Variants in CACNA1G observed in about 807,000 individuals in gnomAD.
The protein encoded by CACNA1G is calcium voltage-gated channel subunit alpha1 G.
CACNA1G carries 67 observed loss-of-function variants against 219.4 expected under a neutral mutation model. That is an observed-to-expected ratio of 0.31 (90% CI 0.25 to 0.37). The LOEUF (loss-of-function observed/expected upper bound fraction) is 0.37. Ranked by LOEUF, CACNA1G falls within the 10% of genes least tolerant of loss-of-function variation. CACNA1G has a pLI of 1.00. For synonymous variants in CACNA1G, 1,296 were observed against 1,345.3 expected, an observed-to-expected ratio of 0.96 and a Z score of 0.80; for missense variants, 2,380 against 3,231.4, an observed-to-expected ratio of 0.74 and a Z score of 6.39.
intron 26 of CACNA1G, among the ~76,000 whole-genome samples, chr17:50,611,270 A>AAG (rs1204293670): frequency 1.4e-5 from 2 of 143,546 alleles, no homozygotes; most frequent in East Asian, 2.0e-4. Flanking sequence ...AAAAAAAAAA[A>AAG]AGAGAGAGAG....
At position 50,602,884 on chromosome 17, in the gene CACNA1G, T is replaced by G; in HGVS notation, c.3980T>G (p.Val1327Gly). ...FTAVFLAEMT[V>G]KVVALGWCFG... The stretch of plus-strand genomic sequence containing the variant: ...GCAGTCTTTCTGGCTGAAATGACAG[T>G]GAAGGTGATGGGGGCTGGTGTTGGC... Residue 1327 changes from valine to glycine, a missense_variant, in exon 20 of 38, where the codon GTG becomes GGG. Physicochemically the swap from Val to Gly is moderately radical, Grantham distance 109. Transcript: ENST00000359106. 1 of 1,610,722 alleles carries G rather than the reference T, an allele frequency of 6.2e-7. No homozygotes were observed. Among genetic ancestry groups the G allele is most frequent in the African/African-American group, 1.4e-5 (1 of 73,628 alleles).
intron 9 of CACNA1G, among the ~76,000 whole-genome samples, chr17:50,579,141 G>C (rs967521104): frequency 1.3e-5 from 2 of 152,174 alleles, no homozygotes; most frequent in Non-Finnish European, 2.9e-5. Flanking sequence ...GGGTGGATGA[G>C]AGTGCCCAGC....
Position 50,596,529 on chromosome 17 carries a change from G to C in CACNA1G, c.2980-33G>C. On this transcript the variant is annotated intron_variant, in intron 14 of 37. Coordinates refer to ENST00000359106, the MANE Select transcript of CACNA1G (RefSeq NM_018896.5). The surrounding 1 kb of genome is among the most constrained non-coding windows in gnomAD (Gnocchi z 4.8). ...CATCCCAACCACCCAAGCCTGGCCG[G>C]ATCCCTAATGGTCCGCTGCTCCCCT... is the stretch of plus-strand genomic sequence containing the variant. 6.3e-7 allele frequency: 1 copy of C among 1,593,226 alleles called. No individual in the cohort carries two copies. The highest frequency in any genetic ancestry group is 1.1e-5 in the South Asian group (1 of 90,644).
chr17:50,617,263 G>A lies in CACNA1G; in HGVS notation c.5022-175G>A, dbSNP rs965467933. 6.6e-6 allele frequency among the ~76,000 whole-genome samples: 1 copy of A among 152,152 alleles called. No homozygotes were observed. The highest frequency in any genetic ancestry group is 1.5e-5 in the Non-Finnish European group (1 of 68,026). ...TTGAGCTAAAGTCCTAGTCCTACTC[G>A]TGCCACCAGTTGGCTGTGTGGCCTT... is the stretch of plus-strand genomic sequence containing the variant. On this transcript the variant is annotated intron_variant, in intron 28 of 37. Coordinates refer to ENST00000359106, the MANE Select transcript of CACNA1G (RefSeq NM_018896.5). This position sits in a 1 kb window ranked among gnomAD's most constrained non-coding sequence, Gnocchi z 5.8.
In CACNA1G at chr17:50,599,448, G is replaced by A. The variant is rs951504289; in HGVS notation, c.3279G>A (p.Pro1093=). The change falls in exon 17 of 38, where the codon CCG becomes CCA. Residue 1093 remains proline, a synonymous_variant. Transcript: ENST00000359106. ...CACAGCCCAGCGCCCGCAGCTCTCC[G>A]CACAGCCCCTGGAGCGCTGCAAGCA... The part of the protein sequence containing the change: ...MKSPPSARSS[P]HSPWSAASSW... The A allele has an allele frequency of 9.6e-6, 15 of 1,560,034 alleles. No homozygotes were observed. The highest frequency in any genetic ancestry group is 4.1e-5 in the African/African-American group (3 of 73,430).
chr17:50,619,992 G>C (rs1291365035), intron 34 of CACNA1G, among the ~76,000 whole-genome samples, 166 bp downstream of exon 34: 1 of 152,190 alleles, frequency 6.6e-6, no homozygotes, highest in Non-Finnish European at 1.5e-5. Flanking sequence ...GGTTCTTCTA[G>C]ACTGAGATCA....
In CACNA1G at chr17:50,622,367, A is replaced by G. The variant is rs538573271; in HGVS notation, c.6060+573A>G. Among the ~76,000 whole-genome samples the G allele has an allele frequency of 5.4e-4, 82 of 151,808 alleles. 1 individual carries two copies. Among genetic ancestry groups the G allele is most frequent in the African/African-American group, 1.9e-3 (78 of 41,382 alleles). On this transcript the variant is annotated intron_variant, in intron 35 of 37. Coordinates refer to ENST00000359106, the MANE Select transcript of CACNA1G (RefSeq NM_018896.5). ...GAATGGGGCTTCTCTGTGCTCTGAT[A>G]GCTTCCCTACCCTTTCCCTTCTCCA...
chr17:50,597,081 G>A (rs533797726), intron 16 of CACNA1G, among the ~76,000 whole-genome samples, 158 bp downstream of exon 16: 34 of 152,228 alleles, frequency 2.2e-4, no homozygotes, highest in African/African-American at 5.3e-4. Context: ...AATCTGCGCC[G>A]GTGATGCAAA....
intron 22 of CACNA1G, among the ~76,000 whole-genome samples, chr17:50,605,529 A>G (rs947031467): frequency 1.1e-3 from 174 of 152,320 alleles, no homozygotes; most frequent in African/African-American, 4.0e-3. Context: ...CCCCCACCTC[A>G]GAGTGTATGA....
chr17:50,584,849 AAGGGAGGAACC>A (rs1243481602), intron 9 of CACNA1G, among the ~76,000 whole-genome samples: 3 of 151,986 alleles, frequency 2.0e-5, no homozygotes, highest in African/African-American at 7.3e-5. Flanking sequence ...GAGACCTAAG[AAGGGAGGAACC>A]AGGGACTGTG....
At chr17:50,588,859 A>G (rs1177765210) in intron 9 of CACNA1G, among the ~76,000 whole-genome samples, 1 of 152,182 alleles carries the variant, frequency 6.6e-6, no homozygotes, top group East Asian at 1.9e-4. Flanking sequence ...CTCACCTGCT[A>G]GTCAGAAGCC....
chr17:50,610,993 C>T (rs759479465), intron 26 of CACNA1G, among the ~76,000 whole-genome samples: 1 of 152,102 alleles, frequency 6.6e-6, no homozygotes, highest in African/African-American at 2.4e-5. Flanking sequence ...CAGTGGCTCA[C>T]ACCTGTAATC....
chr17:50,623,091 C>CTTTTTTT (rs35688516), intron 35 of CACNA1G, among the ~76,000 whole-genome samples: 2 of 79,412 alleles, frequency 2.5e-5, no homozygotes, highest in African/African-American at 5.8e-5. Flanking sequence ...CTGCTGTTGG[C>CTTTTTTT]TTTTTTTTTT....
chr17:50,582,669 A>ACGCAGGAGTGGGGCCTTGGAGG lies in CACNA1G; in HGVS notation c.2301+4106_2301+4107insGCAGGAGTGGGGCCTTGGAGGC, dbSNP rs560514153. 2.9e-3 allele frequency among the ~76,000 whole-genome samples: 435 copies of ACGCAGGAGTGGGGCCTTGGAGG among 152,070 alleles called. 1 individual carries two copies. Among genetic ancestry groups the ACGCAGGAGTGGGGCCTTGGAGG allele is most frequent in the African/African-American group, 0.01 (420 of 41,458 alleles). On this transcript the variant is annotated intron_variant, in intron 9 of 37. Transcript: ENST00000359106. Reference sequence around the variant, plus strand: ...GGAGTGCAGGAGTGGGGCCTTGGAGACACAGGAGCTTCCTAACATCTCCTT... The same window carrying ACGCAGGAGTGGGGCCTTGGAGG: ...GGAGTGCAGGAGTGGGGCCTTGGAGACGCAGGAGTGGGGCCTTGGAGGCACAGGAGCTTCCTAACATCTCCTT...
chr17:50,613,985 A>G (rs948810457), intron 26 of CACNA1G, among the ~76,000 whole-genome samples: 10 of 152,210 alleles, frequency 6.6e-5, no homozygotes, highest in Admixed American at 6.5e-4. Context: ...GGCCTCATGC[A>G]TGCCTAAGGC....
At chr17:50,602,093 C>T (rs1381859978) in intron 19 of CACNA1G, among the ~76,000 whole-genome samples, 3 of 152,184 alleles carry the variant, frequency 2.0e-5, no homozygotes, top group Non-Finnish European at 4.4e-5. Context: ...TTGGCTGCCT[C>T]CCGCCTGAGG....
chr17:50,608,057 C>T (rs761437807), intron 25 of CACNA1G, 38 bp downstream of exon 25: 1 of 1,558,302 alleles, frequency 6.4e-7, no homozygotes, highest in African/African-American at 1.4e-5. Flanking sequence ...AGTCTTTCCA[C>T]CTCTCTCTGG....
chr17:50,572,887 G>T, intron 6 of CACNA1G, 33 bp downstream of exon 6: 1 of 1,601,804 alleles, frequency 6.2e-7, no homozygotes, highest in Non-Finnish European at 8.5e-7. Context: ...AGCTTCCCCA[G>T]AACACCAGCC....
At chr17:50,569,631 G>T (rs1332112707) in intron 3 of CACNA1G, 75 bp from the exon 4 acceptor site, 3 of 1,021,546 alleles carry the variant, frequency 2.9e-6, no homozygotes, top group Non-Finnish European at 4.4e-6. Flanking sequence ...CCTAAAGCAG[G>T]ATTCCTCATT....
Sources: gnomAD v4.1 joint callset for allele counts (sites outside exome capture counted in the v4.1 genomes callset) on GRCh38, gnomAD v4.1.1 for gene constraint, Gnocchi (gnomAD v3.1) non-coding constraint, MANE v1.5 for transcripts, NCBI Gene and HGNC (gene_info 2026-07-23, HGNC 2026-07-21) for gene names.